The following ZNF704 variants were observed in gnomAD, a reference collection of about 807,000 sequenced individuals.
ZNF704 encodes glucocorticoid induced gene 1.
A neutral mutation model predicts 44.7 loss-of-function variants in ZNF704; 10 were observed. The observed-to-expected ratio is 0.22, with a 90% confidence interval of 0.14 to 0.38. ZNF704 has a LOEUF of 0.38. Among genes scored for constraint, ZNF704 ranks in the 10% least tolerant of loss-of-function variants. The pLI is 1.00. For synonymous variants in ZNF704, 211 were observed against 207.6 expected (o/e 1.02, Z -0.14); for missense variants, 390 against 545.5 (o/e 0.71, Z 2.84).
chr8:80,663,206 C>T (rs1030918763), intron 6 of ZNF704, among the ~76,000 whole-genome samples: 2 of 151,850 alleles, frequency 1.3e-5, no homozygotes, highest in African/African-American at 2.4e-5. Context: ...GTAGTGAGAG[C>T]TCGTCTCTAC....
At chr8:80,760,329 T>G (rs1394925572) in intron 2 of ZNF704, among the ~76,000 whole-genome samples, 2 of 152,274 alleles carry the variant, frequency 1.3e-5, no homozygotes, top group Middle Eastern at 3.4e-3. Context: ...ATGGATGGGA[T>G]AAGCACCTGT....
chr8:80,793,728 A>C lies in ZNF704; in HGVS notation c.221+27646T>G, dbSNP rs538049624. On this transcript the variant is annotated intron_variant, in intron 2 of 8. Transcript: ENST00000327835. ...TATAATAAAAACAATTAATTGCATA[A>C]GAAAATAACAAAAAATCACCAATAA... Among the ~76,000 whole-genome samples the C allele has an allele frequency of 2.6e-5, 4 of 152,256 alleles. No homozygotes were observed. The South Asian group carries it at 8.3e-4, about 32-fold the overall frequency.
chr8:80,817,094 C>T (rs574625784), intron 2 of ZNF704, among the ~76,000 whole-genome samples: 2 of 152,074 alleles, frequency 1.3e-5, no homozygotes, highest in Non-Finnish European at 2.9e-5. Flanking sequence ...AGCTTAGGGC[C>T]CTCTTAAACA....
intron 2 of ZNF704, among the ~76,000 whole-genome samples, chr8:80,697,330 G>A (rs983232907): frequency 6.6e-6 from 1 of 152,194 alleles, no homozygotes; most frequent in African/African-American, 2.4e-5. Context: ...AGTGAAAATG[G>A]AAAATTTAAG....
intron 4 of ZNF704, among the ~76,000 whole-genome samples, chr8:80,686,734 G>T (rs1455895871): frequency 1.3e-5 from 2 of 152,066 alleles, no homozygotes; most frequent in African/African-American, 4.8e-5. Flanking sequence ...TCTCTAGGAT[G>T]TAAGAATGGA....
chr8:80,759,072 A>G (rs778048585), intron 2 of ZNF704, among the ~76,000 whole-genome samples: 18 of 152,202 alleles, frequency 1.2e-4, no homozygotes, highest in Non-Finnish European at 2.6e-4. Flanking sequence ...ACTAGATTTA[A>G]AAAACATTCA....
At chr8:80,674,857 T>C (rs758047203) in intron 4 of ZNF704, among the ~76,000 whole-genome samples, 37 of 152,174 alleles carry the variant, frequency 2.4e-4, no homozygotes, top group Admixed American at 9.8e-4. Context: ...GAAAATATCT[T>C]CCACTTAAGA....
chr8:80,647,408 A>G (rs1280776657), intron 7 of ZNF704, among the ~76,000 whole-genome samples: 1 of 152,202 alleles, frequency 6.6e-6, no homozygotes, highest in Admixed American at 6.5e-5. Context: ...CTGACCTGCA[A>G]TAAGGGATCT....
At chr8:80,704,193 C>G (rs974262057) in intron 2 of ZNF704, among the ~76,000 whole-genome samples, 7 of 152,136 alleles carry the variant, frequency 4.6e-5, no homozygotes, top group African/African-American at 7.2e-5. Flanking sequence ...GTGTGATTAG[C>G]TGGACTTCTT....
intron 2 of ZNF704, among the ~76,000 whole-genome samples, chr8:80,809,302 A>G (rs943476310): frequency 6.6e-6 from 1 of 152,214 alleles, no homozygotes; most frequent in African/African-American, 2.4e-5. Flanking sequence ...TTTCAAAAAC[A>G]AAACAAAACT....
intron 1 of ZNF704, among the ~76,000 whole-genome samples, chr8:80,849,107 T>G (rs1586073369): frequency 6.6e-6 from 1 of 152,296 alleles, no homozygotes; most frequent in East Asian, 1.9e-4. Context: ...AGTAGTAAAG[T>G]TAGGTATCAC....
intron 2 of ZNF704, among the ~76,000 whole-genome samples, chr8:80,719,737 A>T (rs555947914): frequency 6.6e-6 from 1 of 152,248 alleles, no homozygotes; most frequent in South Asian, 2.1e-4. Context: ...ATGTGTTAGG[A>T]GCTGAGGGAT....
rs1468558541 is a variant in ZNF704 at position 80,628,457 on chromosome 8, C to G, written c.*12909G>C. 6.6e-6 allele frequency: 1 copy of G among 152,144 alleles called. No individual in the cohort carries two copies. The highest frequency in any genetic ancestry group is 2.4e-5 in the African/African-American group (1 of 41,412). 9.4% of individuals were successfully genotyped at this position (152,144 alleles called of 1,614,324 possible). A position where few individuals can be genotyped will look rare whatever the true frequency, so the allele number is the denominator to read the frequency against. On this transcript the variant is annotated 3_prime_UTR_variant, in exon 9 of 9. Transcript: ENST00000327835. ...AAATAAATTGGTCTCCGAATAGAAG[C>G]AGATACACAAAAACTTTTATTAAGT...
intron 7 of ZNF704, chr8:80,645,258 T>G (rs1334475198): frequency 3.9e-6 from 5 of 1,285,922 alleles, no homozygotes; most frequent in African/African-American, 3.0e-5. Flanking sequence ...TATTGCCATA[T>G]GTAGGAGGAT....
At chr8:80,667,454 T>G (rs1482430124) in intron 5 of ZNF704, among the ~76,000 whole-genome samples, 4 of 152,206 alleles carry the variant, frequency 2.6e-5, no homozygotes, top group Non-Finnish European at 1.5e-5. Flanking sequence ...CGTTAAGTCC[T>G]GGGTGTATTC....
chr8:80,816,619 A>G (rs1304552098), intron 2 of ZNF704, among the ~76,000 whole-genome samples: 1 of 152,160 alleles, frequency 6.6e-6, no homozygotes, highest in Non-Finnish European at 1.5e-5. Flanking sequence ...TATCCCAACA[A>G]TTAGCATCGA....
intron 2 of ZNF704, among the ~76,000 whole-genome samples, chr8:80,709,673 G>T (rs1818954594): frequency 6.6e-6 from 1 of 152,070 alleles, no homozygotes; most frequent in Non-Finnish European, 1.5e-5. Flanking sequence ...CTTTGGAGTA[G>T]TTCTAAGAAA....
In ZNF704 at chr8:80,631,372, T is replaced by C. The variant is rs1817581804; in HGVS notation, c.*9994A>G. The C allele has an allele frequency of 6.6e-6, 1 of 152,204 alleles. No individual in the cohort carries two copies. Among genetic ancestry groups the C allele is most frequent in the African/African-American group, 2.4e-5 (1 of 41,466 alleles). 9.4% of individuals were successfully genotyped at this position (152,204 alleles called of 1,614,324 possible). A position where few individuals can be genotyped will look rare whatever the true frequency, so the allele number is the denominator to read the frequency against. ...AGTGAGGGACAAGTGCTTAACAACA[T>C]GAGTGGACTGAAGTCCTTTTCTCTT... On this transcript the variant is annotated 3_prime_UTR_variant, in exon 9 of 9. Transcript: ENST00000327835.
At chr8:80,728,899 A>C (rs1428808185) in intron 2 of ZNF704, among the ~76,000 whole-genome samples, 1 of 152,192 alleles carries the variant, frequency 6.6e-6, no homozygotes, top group Non-Finnish European at 1.5e-5. Flanking sequence ...AGAAAATATA[A>C]ATGAAGTGAC....
Sources: gnomAD v4.1 joint callset for allele counts (sites outside exome capture counted in the v4.1 genomes callset) on GRCh38, gnomAD v4.1.1 for gene constraint, MANE v1.5 for transcripts, NCBI Gene and HGNC (gene_info 2026-07-23, HGNC 2026-07-21) for gene names.